Variants in ABCC8 observed in about 807,000 individuals in gnomAD.
The protein encoded by ABCC8 is ATP binding cassette subfamily C member 8.
Under a neutral mutation model 188.0 loss-of-function variants are expected in ABCC8, and 137 were observed. The ratio of observed to expected loss-of-function variants is 0.73; its 90% CI spans 0.63 to 0.84. The LOEUF (loss-of-function observed/expected upper bound fraction) is 0.84, where lower values mean the gene tolerates loss of function less well. Ranked by LOEUF, ABCC8 falls within the 40% of genes least tolerant of loss-of-function variation. The probability of loss-of-function intolerance (pLI) is 0.00; values close to 1 mark genes in which losing one functional copy is unlikely to be tolerated. For missense variants in ABCC8, 1,750 were observed against 2,072.7 expected (o/e 0.84, Z 3.02); for synonymous variants, 797 against 846.5 (o/e 0.94, Z 1.01).
intron 16 of ABCC8, among the ~76,000 whole-genome samples, chr11:17,421,114 T>C (rs1176902913): frequency 6.6e-6 from 1 of 152,194 alleles, no homozygotes; most frequent in African/African-American, 2.4e-5. Context: ...CTGTCCATCC[T>C]GGGTGGGTGA....
chr11:17,432,029 G>T (rs1955869282), intron 11 of ABCC8, among the ~76,000 whole-genome samples, 175 bp downstream of exon 11: 1 of 152,196 alleles, frequency 6.6e-6, no homozygotes, highest in South Asian at 2.1e-4. Context: ...CCCCTGTTCG[G>T]CTGGAGTTGG....
Position 17,406,953 on chromosome 11 carries a change from G to A in ABCC8, c.3097C>T (p.Leu1033=). The A allele has an allele frequency of 1.2e-6, 2 of 1,614,166 alleles. No individual in the cohort carries two copies. Among genetic ancestry groups the A allele is most frequent in the East Asian group, 2.2e-5 (1 of 44,882 alleles). ...HMVLVAIDYW[L]AKWTDSALTL... is the part of the protein sequence containing the mutation. Reference sequence around the variant, plus strand: ...AGGGCGCTGTCGGTCCACTTGGCCAGCCAGTAGTCGATGGCCACCAGGACC... The same window carrying A: ...AGGGCGCTGTCGGTCCACTTGGCCAACCAGTAGTCGATGGCCACCAGGACC... The change falls in exon 25 of 39, where the codon CTG becomes TTG. Residue 1033 remains leucine, a synonymous_variant. Coordinates refer to ENST00000389817, the MANE Select transcript of ABCC8 (RefSeq NM_000352.6).
intron 20 of ABCC8, chr11:17,413,091 T>C (rs557452993): frequency 1.7e-6 from 1 of 597,260 alleles, no homozygotes; most frequent in East Asian, 3.0e-5. Flanking sequence ...ATCTGGAGGA[T>C]GAACAGGAAC....
chr11:17,430,398 G>A (rs1328175978), intron 12 of ABCC8: 1 of 336,610 alleles, frequency 3.0e-6, no homozygotes, highest in African/African-American at 2.1e-5. Flanking sequence ...GGGATACTTG[G>A]CCTGGGAAAG....
intron 22 of ABCC8, 39 bp downstream of exon 22, chr11:17,410,477 C>A: frequency 6.2e-7 from 1 of 1,609,712 alleles, no homozygotes; most frequent in Non-Finnish European, 8.5e-7. Flanking sequence ...GCCTCCCCAG[C>A]CCTGCCCCCT....
In ABCC8 at chr11:17,453,161, A is replaced by G. The variant is rs1956873730; in HGVS notation, c.1134T>C (p.Tyr378=). ...AGTTAATTCCAGTTTCAATGGCCAC[A>G]TAGTAGGATGCTTGCAGAAATGTCC... ...LQRTFLQASY[Y]VAIETGINLR... is the part of the protein sequence containing the mutation. Residue 378 remains tyrosine, a synonymous_variant, in exon 7 of 39, where the codon TAT becomes TAC. Coordinates refer to ENST00000389817, the MANE Select transcript of ABCC8 (RefSeq NM_000352.6). 1 of 1,614,052 alleles carries G rather than the reference A, an allele frequency of 6.2e-7. No individual in the cohort carries two copies. Among genetic ancestry groups the G allele is most frequent in the South Asian group, 1.1e-5 (1 of 91,078 alleles).
chr11:17,415,487 T>C (rs1342023423), intron 17 of ABCC8, 148 bp from the exon 18 acceptor site: 4 of 1,513,518 alleles, frequency 2.6e-6, no homozygotes, highest in Admixed American at 2.0e-5. Flanking sequence ...CATAGAGAGG[T>C]GTGGAGAGTG....
chr11:17,458,649 C>T (rs1407824069), intron 6 of ABCC8, among the ~76,000 whole-genome samples: 1 of 152,234 alleles, frequency 6.6e-6, no homozygotes, highest in Non-Finnish European at 1.5e-5. Context: ...CGCTTCCCCT[C>T]TCTTTTATGG....
intron 36 of ABCC8, 114 bp from the exon 37 acceptor site, chr11:17,394,513 G>T: frequency 6.4e-7 from 1 of 1,552,078 alleles, no homozygotes; most frequent in Non-Finnish European, 8.8e-7. Flanking sequence ...GCAAATAGGT[G>T]GGTGTGTGTC....
At chr11:17,417,951 T>C (rs1955163151) in intron 16 of ABCC8, among the ~76,000 whole-genome samples, 1 of 151,836 alleles carries the variant, frequency 6.6e-6, no homozygotes, top group African/African-American at 2.4e-5. Context: ...AGGAGTCTCA[T>C]TCCCTATGTT....
chr11:17,400,486 A>G (rs540135493), intron 29 of ABCC8, among the ~76,000 whole-genome samples: 1 of 152,242 alleles, frequency 6.6e-6, no homozygotes, highest in East Asian at 1.9e-4. Flanking sequence ...GAGCCATGTA[A>G]ACCCAGGTTG....
chr11:17,453,342 A>G, intron 6 of ABCC8, 59 bp from the exon 7 acceptor site: 1 of 1,603,950 alleles, frequency 6.2e-7, no homozygotes, highest in Non-Finnish European at 8.5e-7. Flanking sequence ...CCACCGTAGA[A>G]CACATCACTG....
chr11:17,398,285 T>C (rs1954049323), intron 30 of ABCC8, 54 bp downstream of exon 30: 2 of 1,601,704 alleles, frequency 1.2e-6, no homozygotes, highest in Admixed American at 3.4e-5. Flanking sequence ...TGTGTGCTCT[T>C]GCTCTGGCCC....
At chr11:17,441,671 C>T (rs1956321160) in intron 10 of ABCC8, among the ~76,000 whole-genome samples, 1 of 152,190 alleles carries the variant, frequency 6.6e-6, no homozygotes, top group African/African-American at 2.4e-5. Context: ...ACGAGACCAA[C>T]TGTGAGATAA....
At chr11:17,449,657 G>T (rs1956682933) in intron 7 of ABCC8, among the ~76,000 whole-genome samples, 1 of 152,178 alleles carries the variant, frequency 6.6e-6, no homozygotes, top group African/African-American at 2.4e-5. Context: ...ATGCATCCGG[G>T]TCTTAAATGT....
Position 17,460,525 on chromosome 11 carries a change from T to C in ABCC8, c.974A>G (p.Asp325Gly), listed in dbSNP as rs755401411. Residue 325 changes from aspartate to glycine, a missense_variant, in exon 6 of 39, where the codon GAC (aspartate) becomes GGC (glycine). Asp to Gly is a moderately conservative substitution (Grantham distance 94). Transcript: ENST00000389817. ...GACGTCGTTCTCCTTCCCAAGGTGG[T>C]CCACGATCCCAAAGATGCACAGTGG... ...AGPLCIFGIVDHLGKENDVFQ... is the reference protein window; with the variant it reads ...AGPLCIFGIVGHLGKENDVFQ... 1 of 1,614,118 alleles carries C rather than the reference T, an allele frequency of 6.2e-7. No individual in the cohort carries two copies. Among genetic ancestry groups the C allele is most frequent in the African/African-American group, 1.3e-5 (1 of 75,050 alleles).
At chr11:17,443,021 A>G in intron 9 of ABCC8, 139 bp from the exon 10 acceptor site, 1 of 1,528,800 alleles carries the variant, frequency 6.5e-7, no homozygotes, top group Non-Finnish European at 9.0e-7. Context: ...CATTGACTCC[A>G]TTTCCCAGAC....
intron 4 of ABCC8, among the ~76,000 whole-genome samples, chr11:17,462,788 A>G (rs1428012034): frequency 8.7e-6 from 1 of 114,982 alleles, no homozygotes; most frequent in Non-Finnish European, 1.7e-5. Flanking sequence ...AGAAAAGCAC[A>G]GTGCAGAAAA....
chr11:17,467,925 G>C (rs1196019018), intron 3 of ABCC8, among the ~76,000 whole-genome samples: 2 of 152,250 alleles, frequency 1.3e-5, no homozygotes, highest in Non-Finnish European at 2.9e-5. Context: ...TTTAAAGAGA[G>C]AACATTATGT....
Sources: gnomAD v4.1 joint callset for allele counts (sites outside exome capture counted in the v4.1 genomes callset) on GRCh38, gnomAD v4.1.1 for gene constraint, MANE v1.5 for transcripts, NCBI Gene and HGNC (gene_info 2026-07-23, HGNC 2026-07-21) for gene names.